The following ATP13A4 variants were observed in gnomAD, a reference collection of about 807,000 sequenced individuals.
ATP13A4 encodes probable cation-transporting ATPase 13A4.
ATP13A4 carries 114 observed loss-of-function variants against 142.5 expected under a neutral mutation model. The observed-to-expected ratio is 0.80, with a 90% CI of 0.69 to 0.93. ATP13A4 has a LOEUF of 0.93. ATP13A4 is among the 40% of genes least tolerant of loss of function. The pLI is 0.00. For synonymous variants in ATP13A4, 488 were observed against 514.8 expected, an observed-to-expected ratio of 0.95 and a Z score of 0.70; for missense variants, 1,392 against 1,454.0, an observed-to-expected ratio of 0.96 and a Z score of 0.69.
chr3:193,573,431 A>G (rs1724331765), intron 2 of ATP13A4, among the ~76,000 whole-genome samples: 1 of 149,652 alleles, frequency 6.7e-6, no homozygotes, highest in Non-Finnish European at 1.5e-5. Context: ...GTGACAAATG[A>G]CTCTCTGGAG....
intron 17 of ATP13A4, 101 bp from the exon 18 acceptor site, chr3:193,448,431 G>A: frequency 7.0e-7 from 1 of 1,435,320 alleles, no homozygotes; most frequent in Non-Finnish European, 9.6e-7. Context: ...GAGGACAGTG[G>A]TTCAAGTCAT....
intron 26 of ATP13A4, among the ~76,000 whole-genome samples, chr3:193,413,984 T>A (rs1714914302): frequency 6.6e-6 from 1 of 152,174 alleles, no homozygotes; most frequent in Non-Finnish European, 1.5e-5. Flanking sequence ...AACCTGCTGT[T>A]TTTGCAGCTC....
chr3:193,581,137 T>C (rs1341452164), intron 2 of ATP13A4, among the ~76,000 whole-genome samples: 5 of 152,220 alleles, frequency 3.3e-5, no homozygotes, highest in South Asian at 2.1e-4. Context: ...ACAATGAAGA[T>C]GTACATTAGG....
intron 13 of ATP13A4, among the ~76,000 whole-genome samples, chr3:193,460,732 G>A (rs1257984985): frequency 6.6e-6 from 1 of 152,204 alleles, no homozygotes; most frequent in Non-Finnish European, 1.5e-5. Flanking sequence ...AATTCTGAGT[G>A]TATAATTCTG....
Position 193,464,868 on chromosome 3 carries a change from G to T in ATP13A4, c.1461+72C>A, listed in dbSNP as rs941095958. 3.9e-5 allele frequency: 58 copies of T among 1,501,860 alleles called. 1 individual carries two copies. The South Asian group carries it at 6.6e-4, about 17-fold the overall frequency. 93.0% of individuals were successfully genotyped at this position (1,501,860 alleles called of 1,614,324 possible). A position where few individuals can be genotyped will look rare whatever the true frequency, so the allele number is the denominator to read the frequency against. ...ATTCTATGTCTCCTGCCTTGCAAGG[G>T]GGTAAAAGTAGATATACATGATGAC... On this transcript the variant is annotated intron_variant, in intron 12 of 29. Transcript: ENST00000342695.
At chr3:193,565,553 C>T (rs1182637347) in intron 2 of ATP13A4, among the ~76,000 whole-genome samples, 1 of 152,182 alleles carries the variant, frequency 6.6e-6, no homozygotes, top group African/African-American at 2.4e-5. Context: ...CTTGGGGCAA[C>T]CTCTGCTACT....
In ATP13A4 at chr3:193,417,995, G is replaced by A. The variant is rs374385490; in HGVS notation, c.2843-3245C>T. 8.3e-4 allele frequency among the ~76,000 whole-genome samples: 119 copies of A among 143,116 alleles called. 3 individuals are homozygous for A. The highest frequency in any genetic ancestry group is 2.8e-3 in the African/African-American group (108 of 38,640). The allele number at this position is 143,116 out of a possible 152,430, so 93.9% of individuals were successfully genotyped here. A position where few individuals can be genotyped will look rare whatever the true frequency, so the allele number is the denominator to read the frequency against. On this transcript the variant is annotated intron_variant, in intron 25 of 29. Transcript: ENST00000342695. ...AAATTAGCCGGGCGTAGTGGCGGGC[G>A]CCTGTAGTCCCAGCTACTTGGGAGG...
At chr3:193,464,574 A>C (rs954266862) in intron 12 of ATP13A4, among the ~76,000 whole-genome samples, 3 of 152,176 alleles carry the variant, frequency 2.0e-5, no homozygotes, top group Non-Finnish European at 2.9e-5. Flanking sequence ...CACACTAACT[A>C]TATGCCAGGC....
intron 1 of ATP13A4, among the ~76,000 whole-genome samples, chr3:193,516,223 T>C (rs897770730): frequency 6.6e-6 from 1 of 152,194 alleles, no homozygotes; most frequent in African/African-American, 2.4e-5. Flanking sequence ...CTGATAAAGA[T>C]TACATTGCCA....
chr3:193,408,877 C>T (rs915260769), intron 28 of ATP13A4, among the ~76,000 whole-genome samples: 32 of 152,174 alleles, frequency 2.1e-4, no homozygotes, highest in Non-Finnish European at 4.4e-4. Flanking sequence ...TACCCCTACC[C>T]CGAGAATTTC....
rs529205038 is a variant in ATP13A4 at position 193,443,299 on chromosome 3, T to C, written c.2153-743A>G. ...GTAAGTCCCAAGTTCAGCCTAGAGCTGTGCGTGTGTGGACCAGATCCAAAG... is the reference window on the plus strand; with the variant it reads ...GTAAGTCCCAAGTTCAGCCTAGAGCCGTGCGTGTGTGGACCAGATCCAAAG... On this transcript the variant is annotated intron_variant, in intron 18 of 29. Transcript: ENST00000342695. Among the ~76,000 whole-genome samples the C allele has an allele frequency of 2.0e-5, 3 of 152,332 alleles. No homozygotes were observed. The South Asian group carries it at 6.2e-4, about 32-fold the overall frequency.
chr3:193,568,115 A>G (rs1322656016), intron 2 of ATP13A4, among the ~76,000 whole-genome samples: 1 of 151,964 alleles, frequency 6.6e-6, no homozygotes, highest in East Asian at 1.9e-4. Flanking sequence ...ACATGCCACC[A>G]CACCCGGCTA....
chr3:193,550,259 T>C (rs922152244), intron 1 of ATP13A4, among the ~76,000 whole-genome samples: 9 of 151,676 alleles, frequency 5.9e-5, no homozygotes, highest in African/African-American at 2.2e-4. Flanking sequence ...AAAGCACAGA[T>C]AAGTATGAAG....
At chr3:193,581,984 G>T (rs1228604349) in intron 1 of ATP13A4, 2 of 151,832 alleles carry the variant, frequency 1.3e-5, no homozygotes, top group South Asian at 4.2e-4. Flanking sequence ...CAGTGTGAAT[G>T]CTGACAATGG....
intron 1 of ATP13A4, chr3:193,554,436 G>C: frequency 2.2e-6 from 1 of 454,906 alleles, no homozygotes; most frequent in South Asian, 2.1e-5. Context: ...TACCAATGAG[G>C]CTCAAACAAG....
intron 17 of ATP13A4, among the ~76,000 whole-genome samples, chr3:193,452,796 A>ATTG (rs1044273773): frequency 6.7e-6 from 1 of 148,264 alleles, no homozygotes; most frequent in African/African-American, 2.5e-5. Context: ...TATATATAAT[A>ATTG]TTATCTTATA....
rs1479196050 is a variant in ATP13A4, at chr3:193,400,183, C to A, written c.*2469G>T. Among the ~76,000 whole-genome samples, 1 of 152,220 alleles carries A rather than the reference C, an allele frequency of 6.6e-6. No homozygotes were observed. Among genetic ancestry groups the A allele is most frequent in the South Asian group, 2.1e-4 (1 of 4,826 alleles). On this transcript the variant is annotated 3_prime_UTR_variant, in exon 30 of 30. Coordinates refer to ENST00000342695, the MANE Select transcript of ATP13A4 (RefSeq NM_032279.4). The stretch of plus-strand genomic sequence containing the variant: ...CCCTTCACAGTCCCCTGACTGTTTT[C>A]TTTCCAGGCTGGGCACTCCCTGTTC...
chr3:193,472,792 G>A (rs540724182), intron 8 of ATP13A4, among the ~76,000 whole-genome samples: 5 of 152,234 alleles, frequency 3.3e-5, no homozygotes, highest in South Asian at 2.1e-4. Flanking sequence ...TGTACCTCCC[G>A]CAGATAAGAG....
At chr3:193,545,227 G>A (rs977239981) in intron 1 of ATP13A4, among the ~76,000 whole-genome samples, 4 of 152,174 alleles carry the variant, frequency 2.6e-5, no homozygotes, top group African/African-American at 9.7e-5. Context: ...AAGTACCAGA[G>A]TTTCAAAATC....
Sources: gnomAD v4.1 joint callset for allele counts (sites outside exome capture counted in the v4.1 genomes callset) on GRCh38, gnomAD v4.1.1 for gene constraint, MANE v1.5 for transcripts, NCBI Gene and HGNC (gene_info 2026-07-23, HGNC 2026-07-21) for gene names.